The following CSNK1G3 variants were observed in gnomAD, a reference collection of about 807,000 sequenced individuals.
CSNK1G3 encodes the protein casein kinase 1 gamma 3, also known as casein kinase I isoform gamma-3.
In CSNK1G3, 23 loss-of-function variants were observed where a neutral mutation model predicts 64.3. That is an observed-to-expected ratio of 0.36 (90% CI 0.26 to 0.51). The LOEUF is 0.51. Ranked by LOEUF, CSNK1G3 falls within the 20% of genes least tolerant of loss-of-function variation. The pLI is 0.96. For synonymous variants in CSNK1G3, 158 were observed against 162.2 expected (o/e 0.97, Z 0.20); for missense variants, 357 against 510.5 (o/e 0.70, Z 2.90).
intron 1 of CSNK1G3, among the ~76,000 whole-genome samples, chr5:123,512,965 C>T (rs894348397): frequency 6.6e-6 from 1 of 151,954 alleles, no homozygotes; most frequent in Non-Finnish European, 1.5e-5. Context: ...CCACGGTGCT[C>T]CTTGACTGTG....
At chr5:123,577,436 A>T (rs1485817038) in intron 6 of CSNK1G3, among the ~76,000 whole-genome samples, 2 of 152,090 alleles carry the variant, frequency 1.3e-5, no homozygotes, top group African/African-American at 2.4e-5. Flanking sequence ...GACATACGTT[A>T]ATATCTGTTA....
chr5:123,590,817 A>G lies in CSNK1G3; in HGVS notation c.990+259A>G, dbSNP rs993314563. Among the ~76,000 whole-genome samples the G allele has an allele frequency of 2.6e-5, 4 of 152,168 alleles. No homozygotes were observed. In the South Asian group the frequency reaches 6.2e-4, roughly 24 times the overall value. Reference sequence around the variant, plus strand: ...CCTGATTTAGTTCTTAATGTCAAATATACTCTTTTTTGTGTAATATTCTCA... The same window carrying G: ...CCTGATTTAGTTCTTAATGTCAAATGTACTCTTTTTTGTGTAATATTCTCA... On this transcript the variant is annotated intron_variant, in intron 9 of 12. Coordinates refer to ENST00000345990, the Ensembl canonical transcript of CSNK1G3.
chr5:123,534,944 A>G (rs894600328), intron 1 of CSNK1G3, among the ~76,000 whole-genome samples: 7 of 152,192 alleles, frequency 4.6e-5, no homozygotes, highest in African/African-American at 1.7e-4. Flanking sequence ...AATAAACACA[A>G]TGCTTTCTCA....
At chr5:123,568,075 C>A (rs978969056) in intron 4 of CSNK1G3, among the ~76,000 whole-genome samples, 57 of 152,226 alleles carry the variant, frequency 3.7e-4, no homozygotes, top group African/African-American at 1.3e-3. Flanking sequence ...AACTTCATAG[C>A]CCAATTTGTT....
At chr5:123,595,176 A>T (rs765162155) in intron 10 of CSNK1G3, 42 bp downstream of exon 11, 4 of 1,566,310 alleles carry the variant, frequency 2.6e-6, no homozygotes, top group Non-Finnish European at 3.5e-6. Flanking sequence ...ACCCAGATTT[A>T]TACAACTAAC....
At chr5:123,569,125 G>A (rs1471424890) in intron 4 of CSNK1G3, among the ~76,000 whole-genome samples, 5 of 152,146 alleles carry the variant, frequency 3.3e-5, no homozygotes, top group Admixed American at 1.3e-4. Context: ...AAACAATGAA[G>A]CTTGAACATG....
chr5:123,605,455 C>T (rs1795200576), intron 12 of CSNK1G3, 93 bp downstream of exon 13: 1 of 1,285,354 alleles, frequency 7.8e-7, no homozygotes. Context: ...ACAAAACTCT[C>T]AACACAGTGA....
Position 123,588,413 on chromosome 5 carries a change from T to C in CSNK1G3, c.760-14T>C. 1.3e-6 allele frequency: 2 copies of C among 1,594,088 alleles called. No homozygotes were observed. The highest frequency in any genetic ancestry group is 1.3e-5 in the African/African-American group (1 of 74,576). ...AAATTACCACATTCTCAAGATTTTT[T>C]TTTTCTGTTTTAGGCTGACACATTA... On this transcript the variant is annotated splice_polypyrimidine_tract_variant and intron_variant, in intron 7 of 12. Transcript: ENST00000345990.
chr5:123,556,454 A>C (rs1002539685), intron 3 of CSNK1G3, among the ~76,000 whole-genome samples: 2 of 151,886 alleles, frequency 1.3e-5, no homozygotes, highest in Non-Finnish European at 2.9e-5. Context: ...CAGGTGTCTG[A>C]TCCTTTTCTT....
intron 10 of CSNK1G3, among the ~76,000 whole-genome samples, chr5:123,603,980 A>G (rs1794917806): frequency 2.6e-5 from 4 of 152,124 alleles, no homozygotes; most frequent in Admixed American, 2.0e-4. Flanking sequence ...TCTTAAAAGG[A>G]GCACCCTGAT....
At chr5:123,583,249 A>G (rs969181793) in intron 6 of CSNK1G3, among the ~76,000 whole-genome samples, 1 of 151,952 alleles carries the variant, frequency 6.6e-6, no homozygotes, top group African/African-American at 2.4e-5. Flanking sequence ...TAGGTCTTGC[A>G]TATACATTGA....
chr5:123,533,301 G>C (rs1410733183), intron 1 of CSNK1G3, among the ~76,000 whole-genome samples: 2 of 151,844 alleles, frequency 1.3e-5, no homozygotes, highest in African/African-American at 4.8e-5. Flanking sequence ...GTCAAGGTTG[G>C]TTAAATTTAT....
At chr5:123,516,621 G>A (rs1437232317) in intron 1 of CSNK1G3, among the ~76,000 whole-genome samples, 1 of 152,156 alleles carries the variant, frequency 6.6e-6, no homozygotes, top group Non-Finnish European at 1.5e-5. Context: ...ACAATGAATT[G>A]AAGTGTTTAT....
chr5:123,561,348 A>G (rs2150481100), intron 4 of CSNK1G3, among the ~76,000 whole-genome samples: 1 of 152,350 alleles, frequency 6.6e-6, no homozygotes, highest in East Asian at 1.9e-4. Context: ...CTCCCTGAGG[A>G]GAGTATAGAG....
chr5:123,554,458 G>GGGCC (rs746942792), intron 3 of CSNK1G3, among the ~76,000 whole-genome samples: 37 of 152,130 alleles, frequency 2.4e-4, no homozygotes, highest in Non-Finnish European at 5.0e-4. Context: ...TTCTTTCTAT[G>GGGCC]GGCCGATGTA....
chr5:123,604,849 T>A lies in CSNK1G3; in HGVS notation c.1193+19T>A, dbSNP rs199519170. ...AAACCAAGTATGTGTTTGTTTTACTTGTTTTAGTAACTTTTTGTTCTTAAA... is the reference window on the plus strand; with the variant it reads ...AAACCAAGTATGTGTTTGTTTTACTAGTTTTAGTAACTTTTTGTTCTTAAA... On this transcript the variant is annotated intron_variant, in intron 11 of 12. Coordinates refer to ENST00000345990, the Ensembl canonical transcript of CSNK1G3. 427 of 1,538,640 alleles carry A rather than the reference T, an allele frequency of 2.8e-4. No homozygotes were observed. The African/African-American group carries it at 5.1e-3, about 18-fold the overall frequency.
At position 123,615,323 on chromosome 5, in the gene CSNK1G3, G is replaced by C. The variant is rs531492177; in HGVS notation, c.*927G>C. The C allele has an allele frequency of 2.0e-5, 3 of 152,594 alleles. No individual in the cohort carries two copies. In the East Asian group the frequency reaches 5.8e-4, roughly 29 times the overall value. 9.5% of individuals were successfully genotyped at this position (152,594 alleles called of 1,614,324 possible). A position where few individuals can be genotyped will look rare whatever the true frequency, so the allele number is the denominator to read the frequency against. On this transcript the variant is annotated 3_prime_UTR_variant, in exon 13 of 13. Transcript: ENST00000345990. ...AGAAATCTCACCGAAACTTACTGCTGAATGATTACATTCTCCCTTAAGCAG... is the reference window on the plus strand; with the variant it reads ...AGAAATCTCACCGAAACTTACTGCTCAATGATTACATTCTCCCTTAAGCAG...
chr5:123,545,545 T>A, exon 2 of CSNK1G3: 1 of 751,632 alleles, frequency 1.3e-6, no homozygotes, highest in African/African-American at 1.8e-5. Context: ...TACTGCAATT[T>A]GAATGTTAAC....
chr5:123,567,414 A>T (rs1436225086), intron 4 of CSNK1G3, among the ~76,000 whole-genome samples: 2 of 152,142 alleles, frequency 1.3e-5, no homozygotes, highest in Non-Finnish European at 1.5e-5. Flanking sequence ...CATCCTGGCC[A>T]ACATAGGGAA....
Sources: allele counts gnomAD v4.1 joint callset (sites outside exome capture counted in the v4.1 genomes callset), GRCh38; gene constraint gnomAD v4.1.1; transcripts MANE v1.5; gene names NCBI Gene and HGNC (gene_info 2026-07-23, HGNC 2026-07-21).